Variants in AATF observed in about 807,000 individuals in gnomAD.
The protein encoded by AATF is apoptosis antagonizing transcription factor.
In AATF, 48 loss-of-function variants were observed where a neutral mutation model predicts 63.7. That is an observed-to-expected ratio of 0.75 (90% CI 0.60 to 0.96). The LOEUF (loss-of-function observed/expected upper bound fraction) is 0.96, where lower values mean the gene tolerates loss of function less well. Among genes scored for constraint, AATF ranks in the 40% least tolerant of loss-of-function variants. The pLI is 0.00. For synonymous variants in AATF, 258 were observed against 247.7 expected, an observed-to-expected ratio of 1.04 and a Z score of -0.39; for missense variants, 639 against 685.7, an observed-to-expected ratio of 0.93 and a Z score of 0.76.
chr17:36,985,162 A>G (rs1415291296), intron 4 of AATF, among the ~76,000 whole-genome samples: 1 of 152,054 alleles, frequency 6.6e-6, no homozygotes, highest in Non-Finnish European at 1.5e-5. Flanking sequence ...TCCGCCTCCC[A>G]AAGTGCTGGG....
At chr17:37,030,872 A>C (rs1399317656) in intron 10 of AATF, among the ~76,000 whole-genome samples, 1 of 152,212 alleles carries the variant, frequency 6.6e-6, no homozygotes, top group African/African-American at 2.4e-5. Flanking sequence ...TGTGACATCT[A>C]TTAAAATGAA....
intron 10 of AATF, among the ~76,000 whole-genome samples, chr17:37,027,204 C>T (rs2071517304): frequency 6.6e-6 from 1 of 152,014 alleles, no homozygotes; most frequent in African/African-American, 2.4e-5. Context: ...TTCTACTCAG[C>T]ATTACATATA....
intron 4 of AATF, among the ~76,000 whole-genome samples, chr17:36,979,245 A>G (rs1481395808): frequency 6.6e-6 from 1 of 152,202 alleles, no homozygotes; most frequent in African/African-American, 2.4e-5. Context: ...TGCCGGCCAT[A>G]CAGTTGATTA....
At position 36,949,176 on chromosome 17, in the gene AATF, G is replaced by C; in HGVS notation, c.51G>C (p.Pro17=). 4 of 1,593,250 alleles carry C rather than the reference G, an allele frequency of 2.5e-6. No individual in the cohort carries two copies. Among genetic ancestry groups the C allele is most frequent in the Non-Finnish European group, 3.4e-6 (4 of 1,171,616 alleles). The change falls in exon 1 of 12, where the codon CCG becomes CCC. Residue 17 remains proline, a synonymous_variant. Transcript: ENST00000619387. ...TGCAACTGGAACAGTTGTTGAACCC[G>C]CGACCAAGCGAGGCGGACCCTGAAG... is the stretch of plus-strand genomic sequence containing the variant. ...LALQLEQLLN[P]RPSEADPEAD...
chr17:37,028,928 A>G (rs2071531071), intron 10 of AATF, among the ~76,000 whole-genome samples: 1 of 152,166 alleles, frequency 6.6e-6, no homozygotes, highest in Non-Finnish European at 1.5e-5. Flanking sequence ...CTAGGTGAGA[A>G]AAGAATTCAT....
At chr17:36,968,270 C>CTTTTTTTTTTTTTTTTT (rs3049638) in intron 4 of AATF, among the ~76,000 whole-genome samples, 4 of 23,792 alleles carry the variant, frequency 1.7e-4, no homozygotes, top group South Asian at 2.2e-3. Context: ...TTCCTTCTTT[C>CTTTTTTTTTTTTTTTTT]TTTTTTTTTT....
At chr17:37,018,764 C>T (rs17620978) in intron 8 of AATF, among the ~76,000 whole-genome samples, 1,660 of 152,262 alleles carry the variant, frequency 0.011, 14 homozygotes, top group Middle Eastern at 0.031. Flanking sequence ...AAATGAACTG[C>T]GGTACAATAA....
intron 11 of AATF, among the ~76,000 whole-genome samples, chr17:37,032,647 A>G (rs571000293): frequency 2.0e-4 from 31 of 152,330 alleles, no homozygotes; most frequent in African/African-American, 7.2e-4. Flanking sequence ...CCTACACAGA[A>G]GACAGCCACT....
At chr17:37,008,110 G>C (rs2071355982) in intron 8 of AATF, among the ~76,000 whole-genome samples, 1 of 152,104 alleles carries the variant, frequency 6.6e-6, no homozygotes, top group African/African-American at 2.4e-5. Context: ...TACTGTACTT[G>C]TTGCTTGTTA....
At chr17:36,992,563 A>G (rs937498077) in intron 8 of AATF, among the ~76,000 whole-genome samples, 1 of 152,180 alleles carries the variant, frequency 6.6e-6, no homozygotes, top group African/African-American at 2.4e-5. Flanking sequence ...TTAATAAAAT[A>G]AAGTGAAATT....
At chr17:36,970,764 A>C (rs990845580) in intron 4 of AATF, among the ~76,000 whole-genome samples, 17 of 151,176 alleles carry the variant, frequency 1.1e-4, no homozygotes, top group African/African-American at 4.1e-4. Context: ...CTGGTCTCGA[A>C]CTCCTGCCCT....
intron 11 of AATF, among the ~76,000 whole-genome samples, chr17:37,046,730 AACACACACACACACACACACAC>A (rs58296683): frequency 3.8e-4 from 53 of 140,056 alleles, no homozygotes; most frequent in African/African-American, 1.1e-3. Flanking sequence ...GTGCTCCCCC[AACACACACACACACACACACAC>A]ACACACACAC....
At chr17:37,007,999 C>T (rs2071355186) in intron 8 of AATF, among the ~76,000 whole-genome samples, 1 of 152,056 alleles carries the variant, frequency 6.6e-6, no homozygotes, top group Non-Finnish European at 1.5e-5. Flanking sequence ...ACCATTTTTG[C>T]GGGTTTTCTA....
At chr17:36,970,594 A>T (rs2071032069) in intron 4 of AATF, among the ~76,000 whole-genome samples, 2 of 149,774 alleles carry the variant, frequency 1.3e-5, no homozygotes, top group South Asian at 4.2e-4. Context: ...GGAGGCTGAA[A>T]TGCAGTGACG....
intron 4 of AATF, among the ~76,000 whole-genome samples, chr17:36,986,027 T>G (rs2142244557): frequency 6.6e-6 from 1 of 152,322 alleles, no homozygotes; most frequent in East Asian, 1.9e-4. Flanking sequence ...AGCTTGGGTT[T>G]TCGTATGTGA....
chr17:36,990,265 A>G (rs1389903781), intron 7 of AATF, among the ~76,000 whole-genome samples: 1 of 152,152 alleles, frequency 6.6e-6, no homozygotes, highest in Non-Finnish European at 1.5e-5. Flanking sequence ...TTTCCTAATG[A>G]CCTCAAAGTA....
At chr17:37,037,626 A>G (rs1383392130) in intron 11 of AATF, among the ~76,000 whole-genome samples, 1 of 152,234 alleles carries the variant, frequency 6.6e-6, no homozygotes, top group African/African-American at 2.4e-5. Flanking sequence ...TGCTATGCGT[A>G]TATCAGAATA....
chr17:36,970,401 A>T (rs964832492), intron 4 of AATF, among the ~76,000 whole-genome samples: 2 of 152,142 alleles, frequency 1.3e-5, no homozygotes, highest in African/African-American at 2.4e-5. Flanking sequence ...GTTACTTTTT[A>T]AAAAAGTTAC....
At chr17:37,016,241 C>G (rs2071427864) in intron 8 of AATF, among the ~76,000 whole-genome samples, 1 of 152,148 alleles carries the variant, frequency 6.6e-6, no homozygotes, top group African/African-American at 2.4e-5. Context: ...TCAACTGTCT[C>G]TTAGAGGGGT....
Sources: allele counts gnomAD v4.1 joint callset (sites outside exome capture counted in the v4.1 genomes callset), GRCh38; gene constraint gnomAD v4.1.1; transcripts MANE v1.5; gene names NCBI Gene and HGNC (gene_info 2026-07-23, HGNC 2026-07-21).